The following CSF2RA variants were observed in gnomAD, a reference collection of about 807,000 sequenced individuals.
The protein encoded by CSF2RA is granulocyte-macrophage colony-stimulating factor receptor subunit alpha.
A neutral mutation model predicts 51.6 loss-of-function variants in CSF2RA; 42 were observed. The ratio of observed to expected loss-of-function variants is 0.81; its 90% CI spans 0.64 to 1.05. CSF2RA has a LOEUF of 1.05. Ranked by LOEUF, CSF2RA falls within the 50% of genes least tolerant of loss-of-function variation. CSF2RA has a pLI of 0.00. For synonymous variants in CSF2RA, 222 were observed against 193.0 expected, an observed-to-expected ratio of 1.15 and a Z score of -1.24; for missense variants, 530 against 501.1, an observed-to-expected ratio of 1.06 and a Z score of -0.55.
chrX:1,314,355 CCCCACTGCAT>C (rs2084356956), downstream of CSF2RA, among the ~76,000 whole-genome samples: 2 of 139,076 alleles, frequency 1.4e-5, no homozygotes, highest in East Asian at 4.8e-4. Context: ...GCCTGCCCAA[CCCCACTGCAT>C]CTGCCCAACC....
intron 10 of CSF2RA, among the ~76,000 whole-genome samples, chrX:1,302,357 G>A (rs868041712): frequency 6.6e-6 from 1 of 151,978 alleles, no homozygotes; most frequent in Non-Finnish European, 1.5e-5. Context: ...CTCAACAAAG[G>A]GTACAGAAGA....
At chrX:1,272,883 A>G (rs181349383) in intron 1 of CSF2RA, among the ~76,000 whole-genome samples, 1 of 146,774 alleles carries the variant, frequency 6.8e-6, no homozygotes, top group East Asian at 2.0e-4. Context: ...CAGTGGCACA[A>G]TCTCAGCTCA....
At chrX:1,286,868 C>T (rs1295965467) in intron 4 of CSF2RA, among the ~76,000 whole-genome samples, 1 of 152,038 alleles carries the variant, frequency 6.6e-6, no homozygotes, top group African/African-American at 2.4e-5. Flanking sequence ...GTCAGTGTGT[C>T]ACCGTCCTGG....
downstream of CSF2RA, among the ~76,000 whole-genome samples, chrX:1,311,489 A>G (rs2084183632): frequency 2.0e-5 from 3 of 151,222 alleles, no homozygotes; most frequent in South Asian, 4.2e-4. Context: ...GCTGGAGTGC[A>G]GTGGCACAAT....
intron 3 of CSF2RA, among the ~76,000 whole-genome samples, chrX:1,284,449 G>A (rs1317052340): frequency 1.4e-5 from 1 of 72,594 alleles, no homozygotes; most frequent in African/African-American, 6.0e-5. Flanking sequence ...TTTTTTTTGA[G>A]ATGGAGTCTT....
intron 1 of CSF2RA, among the ~76,000 whole-genome samples, chrX:1,274,105 T>C (rs2088830169): frequency 6.6e-6 from 1 of 152,010 alleles, no homozygotes; most frequent in Non-Finnish European, 1.5e-5. Context: ...GAAAAAAGTA[T>C]AAGCGGTACA....
chrX:1,286,308 C>G (rs1468594521), intron 4 of CSF2RA, among the ~76,000 whole-genome samples: 1 of 150,782 alleles, frequency 6.6e-6, no homozygotes, highest in East Asian at 2.0e-4. Context: ...GTGGCTCACG[C>G]TTGTCATCCC....
At chrX:1,303,785 G>C in intron 10 of CSF2RA, 138 bp from the exon 11 acceptor site, 1 of 811,874 alleles carries the variant, frequency 1.2e-6, no homozygotes, top group Non-Finnish European at 2.2e-6. Flanking sequence ...CAAAAACAGG[G>C]AGGCAGGTTT....
the CSF2RA span, among the ~76,000 whole-genome samples, chrX:1,324,886 CCTT>C: frequency 6.6e-6 from 1 of 152,100 alleles, no homozygotes; most frequent in African/African-American, 2.4e-5. Context: ...AGTCTGACCT[CCTT>C]GTCAGAGCCC....
chrX:1,274,406 C>A (rs2088862272), intron 1 of CSF2RA, among the ~76,000 whole-genome samples: 1 of 150,962 alleles, frequency 6.6e-6, no homozygotes, highest in South Asian at 2.1e-4. Flanking sequence ...ATCACTGTAA[C>A]CTCCGCCTCC....
At chrX:1,309,325 AAG>A (rs1603439089) in intron 12 of CSF2RA, 75 bp from the exon 13 acceptor site, 7 of 1,443,066 alleles carry the variant, frequency 4.9e-6, no homozygotes, top group Non-Finnish European at 4.9e-6. Flanking sequence ...GAGGGAGAAA[AAG>A]AAAATAAACA....
intron 7 of CSF2RA, chrX:1,293,954 G>A (rs2091660399): frequency 3.7e-6 from 1 of 267,922 alleles, no homozygotes; most frequent in Non-Finnish European, 7.3e-6. Flanking sequence ...ACAAAGAGGT[G>A]TTTCTACTCC....
At position 1,309,836 on chromosome X, in the gene CSF2RA, C is replaced by T. The variant is rs1240171703; in HGVS notation, c.*357C>T. ...CCGTGAGGCGGAGGTTGTAGTGAGC[C>T]AAGATCGCACCATTGCACACCAACC... On this transcript the variant is annotated 3_prime_UTR_variant, in exon 13 of 13. Transcript: ENST00000381529. The T allele has an allele frequency of 9.9e-6, 6 of 604,266 alleles. No individual in the cohort carries two copies. The highest frequency in any genetic ancestry group is 5.6e-5 in the African/African-American group (3 of 53,876). The allele number at this position is 604,266 out of a possible 1,614,324, so 37.4% of individuals were successfully genotyped here. A position where few individuals can be genotyped will look rare whatever the true frequency, so the allele number is the denominator to read the frequency against.
intron 11 of CSF2RA, among the ~76,000 whole-genome samples, chrX:1,304,490 C>T (rs1295348548): frequency 6.6e-6 from 1 of 151,120 alleles, no homozygotes; most frequent in Admixed American, 6.6e-5. Context: ...TCCCTCAGCC[C>T]CTCGGGCACA....
intron 12 of CSF2RA, chrX:1,305,761 G>A: frequency 6.4e-7 from 1 of 1,551,534 alleles, no homozygotes; most frequent in Non-Finnish European, 8.7e-7. Flanking sequence ...ACTGAGGCAG[G>A]GTGGTGGTCA....
chrX:1,321,780 GCAA>G, the CSF2RA span, among the ~76,000 whole-genome samples: 2 of 152,082 alleles, frequency 1.3e-5, no homozygotes, highest in Non-Finnish European at 2.9e-5. Context: ...TCCACATCAG[GCAA>G]CTCAGATTTT....
chrX:1,273,497 TG>T, intron 1 of CSF2RA, among the ~76,000 whole-genome samples: 1 of 150,726 alleles, frequency 6.6e-6, no homozygotes, highest in Non-Finnish European at 1.5e-5. Context: ...TTTTGTTTTT[TG>T]TTTTTTTTTT....
Position 1,295,373 on chromosome X carries a change from G to C in CSF2RA, c.781-54G>C, listed in dbSNP as rs2091841711. ...GGAGACACTGTGTGAACCATCTACAGTGTTTTAGAAATGGAAACAGTGAGC... is the reference window on the plus strand; with the variant it reads ...GGAGACACTGTGTGAACCATCTACACTGTTTTAGAAATGGAAACAGTGAGC... On this transcript the variant is annotated intron_variant, in intron 8 of 12. Transcript: ENST00000381529. 3.1e-6 allele frequency: 5 copies of C among 1,610,696 alleles called. No individual in the cohort carries two copies. The South Asian group carries it at 3.3e-5, about 11-fold the overall frequency.
At chrX:1,299,893 G>C (rs1338057611) in intron 9 of CSF2RA, among the ~76,000 whole-genome samples, 2 of 151,976 alleles carry the variant, frequency 1.3e-5, no homozygotes, top group Non-Finnish European at 2.9e-5. Flanking sequence ...ACTCCAGCCT[G>C]GGCGACAGAG....
Sources: allele counts gnomAD v4.1 joint callset (sites outside exome capture counted in the v4.1 genomes callset), GRCh38; gene constraint gnomAD v4.1.1; transcripts MANE v1.5; gene names NCBI Gene and HGNC (gene_info 2026-07-23, HGNC 2026-07-21).